TMEM71: variants seen among roughly 807,000 people sequenced by gnomAD.
TMEM71 encodes transmembrane protein 71.
In TMEM71, 44 loss-of-function variants were observed where a neutral mutation model predicts 38.0. That is an observed-to-expected ratio of 1.16 (90% CI 0.91 to 1.49). The LOEUF (loss-of-function observed/expected upper bound fraction) is 1.49, where lower values mean the gene tolerates loss of function less well. Among genes scored for constraint, TMEM71 ranks in the 40% most tolerant of loss-of-function variants. The pLI is 0.00. For synonymous variants in TMEM71, 133 were observed against 122.5 expected (o/e 1.09, Z -0.56); for missense variants, 367 against 348.6 (o/e 1.05, Z -0.42).
At chr8:132,733,211 G>T (rs893497060) in intron 5 of TMEM71, among the ~76,000 whole-genome samples, 2 of 152,070 alleles carry the variant, frequency 1.3e-5, no homozygotes, top group African/African-American at 2.4e-5. Context: ...TAGACAAAAG[G>T]CTCCGTGAGA....
chr8:132,714,121 A>G, intron 8 of TMEM71, 33 bp downstream of exon 8: 2 of 1,608,284 alleles, frequency 1.2e-6, no homozygotes, highest in East Asian at 2.2e-5. Context: ...AAATACAGGC[A>G]TCATTGCAGT....
intron 4 of TMEM71, among the ~76,000 whole-genome samples, chr8:132,749,774 G>A (rs935348589): frequency 2.6e-5 from 4 of 152,102 alleles, no homozygotes; most frequent in African/African-American, 9.7e-5. Context: ...CCAGCACTTT[G>A]GGAGTTTGAG....
chr8:132,708,111 T>G (rs16904723), downstream of TMEM71, among the ~76,000 whole-genome samples: 6 of 152,196 alleles, frequency 3.9e-5, no homozygotes, highest in Admixed American at 3.9e-4. Context: ...TCACTGAGAA[T>G]CTTTTGTGTA....
intron 5 of TMEM71, among the ~76,000 whole-genome samples, chr8:132,733,759 T>C (rs927656582): frequency 6.6e-6 from 1 of 152,160 alleles, no homozygotes; most frequent in Non-Finnish European, 1.5e-5. Context: ...CTAAGTATCC[T>C]TCCACAGATG....
intron 2 of TMEM71, among the ~76,000 whole-genome samples, chr8:132,757,495 A>G (rs1829089665): frequency 6.6e-6 from 1 of 152,072 alleles, no homozygotes; most frequent in African/African-American, 2.4e-5. Flanking sequence ...GCAAGACATA[A>G]ACTAGAGGCT....
At chr8:132,717,661 G>A (rs1826607046) in intron 7 of TMEM71, among the ~76,000 whole-genome samples, 1 of 152,198 alleles carries the variant, frequency 6.6e-6, no homozygotes, top group African/African-American at 2.4e-5. Flanking sequence ...GTAAGATGGT[G>A]CAGTCCTATT....
downstream of TMEM71, among the ~76,000 whole-genome samples, chr8:132,708,877 G>A (rs1227308080): frequency 6.6e-6 from 1 of 152,092 alleles, no homozygotes; most frequent in Non-Finnish European, 1.5e-5. Flanking sequence ...GAGGGGGCCA[G>A]GGGCCAGGGA....
intron 5 of TMEM71, among the ~76,000 whole-genome samples, chr8:132,738,053 G>A (rs1489444719): frequency 6.6e-6 from 1 of 152,112 alleles, no homozygotes; most frequent in Non-Finnish European, 1.5e-5. Flanking sequence ...GAGCTAATGT[G>A]TATTAAGCAG....
chr8:132,732,030 A>G (rs999792779), intron 5 of TMEM71, among the ~76,000 whole-genome samples: 3 of 152,110 alleles, frequency 2.0e-5, no homozygotes, highest in Non-Finnish European at 4.4e-5. Context: ...AGGCAGATCT[A>G]TTTATTCATT....
chr8:132,750,373 T>C (rs1277470844), intron 4 of TMEM71, among the ~76,000 whole-genome samples: 1 of 152,230 alleles, frequency 6.6e-6, no homozygotes, highest in African/African-American at 2.4e-5. Flanking sequence ...TAAGTTGAAT[T>C]GACCAATGAG....
chr8:132,713,339 T>C (rs1454448793), intron 9 of TMEM71, among the ~76,000 whole-genome samples: 1 of 152,090 alleles, frequency 6.6e-6, no homozygotes, highest in East Asian at 1.9e-4. Context: ...AAATAAATTT[T>C]CACTAAACCC....
chr8:132,762,741 C>T (rs909712692), upstream of TMEM71, among the ~76,000 whole-genome samples: 1 of 152,154 alleles, frequency 6.6e-6, no homozygotes, highest in Non-Finnish European at 1.5e-5. Flanking sequence ...GATTCAAACC[C>T]TGATGAGATG....
chr8:132,723,467 C>A (rs927668461), intron 6 of TMEM71, among the ~76,000 whole-genome samples: 1 of 152,068 alleles, frequency 6.6e-6, no homozygotes, highest in African/African-American at 2.4e-5. Flanking sequence ...TGCTGAATAC[C>A]TTTTTCAGCT....
chr8:132,751,769 A>G lies in TMEM71; in HGVS notation c.314+16T>C. The G allele has an allele frequency of 2.5e-6, 4 of 1,607,100 alleles. No homozygotes were observed. Among genetic ancestry groups the G allele is most frequent in the Non-Finnish European group, 3.4e-6 (4 of 1,174,808 alleles). ...GATTGGACTTCAGATTTCTTTCTGT[A>G]ATATGCTCTGCTTACCTAACTAAGT... On this transcript the variant is annotated intron_variant, in intron 4 of 9. Transcript: ENST00000677595.
intron 5 of TMEM71, among the ~76,000 whole-genome samples, chr8:132,737,786 G>A (rs557869083): frequency 3.9e-5 from 6 of 152,150 alleles, no homozygotes; most frequent in South Asian, 4.1e-4. Context: ...CTTTCTTACC[G>A]CTCCTTTCTT....
chr8:132,766,728 T>C, the TMEM71 span, among the ~76,000 whole-genome samples: 3 of 145,136 alleles, frequency 2.1e-5, no homozygotes, highest in Non-Finnish European at 4.5e-5. Context: ...GAGGCGGAGG[T>C]GGCAGTGAGC....
upstream of TMEM71, among the ~76,000 whole-genome samples, chr8:132,761,860 A>G (rs1829303104): frequency 1.3e-5 from 2 of 152,310 alleles, no homozygotes; most frequent in African/African-American, 4.8e-5. Flanking sequence ...AAAAGCCAGT[A>G]AGGGTCTGAT....
rs774838351 is a variant in TMEM71 at position 132,751,831 on chromosome 8, G to A, written c.268C>T (p.Leu90=). The change falls in exon 4 of 10, where the codon CTG becomes TTG. Residue 90 remains leucine (L), a synonymous_variant. Transcript: ENST00000677595. ...ATAACGCTGGTCTGGGATGGGTTCA[G>A]AGTTATGTTGCCATCTTTGTCGCAC... The part of the protein sequence containing the change: ...FLCDKDGNIT[L]NPSQTSVMYK... 1.2e-6 allele frequency: 2 copies of A among 1,613,934 alleles called. No individual in the cohort carries two copies. Among genetic ancestry groups the A allele is most frequent in the Admixed American group, 3.3e-5 (2 of 60,020 alleles).
In TMEM71 at chr8:132,757,232, A is replaced by G; in HGVS notation, c.101+2T>C. On this transcript the variant is annotated splice_donor_variant, in intron 3 of 9. Transcript: ENST00000677595. LOFTEE classifies it high-confidence loss of function. ...TTTTTTAAAAGAAGCCCCATAGTAT[A>G]CCTTGGGAAAATGCACGTGGGAGAC... is the stretch of plus-strand genomic sequence containing the variant. 1 of 1,607,348 alleles carries G rather than the reference A, an allele frequency of 6.2e-7. No homozygotes were observed. The highest frequency in any genetic ancestry group is 8.5e-7 in the Non-Finnish European group (1 of 1,175,008).
Sources: allele counts gnomAD v4.1 joint callset (sites outside exome capture counted in the v4.1 genomes callset), GRCh38; gene constraint gnomAD v4.1.1; transcripts MANE v1.5; gene names NCBI Gene and HGNC (gene_info 2026-07-23, HGNC 2026-07-21).